Variants in EXOC4 observed in about 807,000 individuals in gnomAD.
The protein encoded by EXOC4 is SEC8-like 1.
In EXOC4, 71 loss-of-function variants were observed where a neutral mutation model predicts 107.2. That is an observed-to-expected ratio of 0.66 (90% CI 0.55 to 0.81). The LOEUF (loss-of-function observed/expected upper bound fraction) is 0.81. Ranked by LOEUF, EXOC4 falls within the 30% of genes least tolerant of loss-of-function variation. EXOC4 has a pLI of 0.00. For missense variants in EXOC4, 1,108 were observed against 1,189.6 expected (o/e 0.93, Z 1.01); for synonymous variants, 456 against 441.2 (o/e 1.03, Z -0.42).
At chr7:133,824,967 A>G (rs1328415854) in intron 11 of EXOC4, among the ~76,000 whole-genome samples, 7 of 152,004 alleles carry the variant, frequency 4.6e-5, no homozygotes, top group Non-Finnish European at 1.0e-4. Context: ...GGGAGACACT[A>G]TTCAGTCCAC....
At chr7:133,263,643 A>T (rs1793637439) in intron 1 of EXOC4, among the ~76,000 whole-genome samples, 1 of 151,990 alleles carries the variant, frequency 6.6e-6, no homozygotes, top group Non-Finnish European at 1.5e-5. Context: ...TGGCCTCCCA[A>T]AGTGCTGGGA....
intron 10 of EXOC4, among the ~76,000 whole-genome samples, chr7:133,765,819 A>C (rs1297683527): frequency 6.6e-6 from 1 of 151,944 alleles, no homozygotes; most frequent in Non-Finnish European, 1.5e-5. Context: ...CTCTTTGGTA[A>C]TTTATTTCCC....
the EXOC4 span, among the ~76,000 whole-genome samples, chr7:134,083,572 T>C: frequency 6.6e-6 from 1 of 152,184 alleles, no homozygotes; most frequent in African/African-American, 2.4e-5. Flanking sequence ...CCAAGATGGC[T>C]TCAGTCACAA....
intron 11 of EXOC4, among the ~76,000 whole-genome samples, chr7:133,824,001 C>G (rs1447092389): frequency 7.1e-6 from 1 of 140,900 alleles, no homozygotes; most frequent in Non-Finnish European, 1.5e-5. Context: ...GTGTTGGATA[C>G]TTTGAACCAA....
intron 14 of EXOC4, among the ~76,000 whole-genome samples, chr7:133,943,835 A>G (rs1231563067): frequency 4.6e-5 from 7 of 152,150 alleles, no homozygotes; most frequent in Non-Finnish European, 1.0e-4. Context: ...CGCCTGTTTC[A>G]GGCTTGGCTA....
rs117299206 is a variant in EXOC4 at position 133,986,012 on chromosome 7, G to A, written c.2207-11480G>A. 5.6e-3 allele frequency among the ~76,000 whole-genome samples: 856 copies of A among 152,304 alleles called. 5 individuals are homozygous for A. Among genetic ancestry groups the A allele is most frequent in the Non-Finnish European group, 0.01 (686 of 68,030 alleles). On this transcript the variant is annotated intron_variant, in intron 14 of 17. Coordinates refer to ENST00000253861, the MANE Select transcript of EXOC4 (RefSeq NM_021807.4). ...GGCAGGGAATGATTGCTCCGTTATT[G>A]AGATGTAAAAGGATTCATTGGTTGG...
At chr7:134,008,121 C>T (rs1468445066) in intron 17 of EXOC4, among the ~76,000 whole-genome samples, 1 of 152,058 alleles carries the variant, frequency 6.6e-6, no homozygotes, top group Non-Finnish European at 1.5e-5. Flanking sequence ...ATGCTCATTG[C>T]ATAAAATATA....
At chr7:133,538,857 A>AGAG (rs1563101091) in intron 9 of EXOC4, among the ~76,000 whole-genome samples, 11 of 72,190 alleles carry the variant, frequency 1.5e-4, no homozygotes, top group East Asian at 4.3e-4. Context: ...GAAAGAAAGA[A>AGAG]AGAGAGAGAG....
chr7:133,830,919 A>G (rs1797796079), intron 11 of EXOC4, among the ~76,000 whole-genome samples: 1 of 152,020 alleles, frequency 6.6e-6, no homozygotes, highest in South Asian at 2.1e-4. Context: ...CTTAAATGTG[A>G]TAGTTTTCTC....
chr7:134,047,971 G>A (rs1182996551), intron 17 of EXOC4, among the ~76,000 whole-genome samples: 3 of 152,162 alleles, frequency 2.0e-5, no homozygotes, highest in Admixed American at 6.5e-5. Flanking sequence ...AGAAATTCAG[G>A]GATCAGGGTT....
intron 3 of EXOC4, among the ~76,000 whole-genome samples, chr7:133,289,972 C>T (rs1425841483): frequency 6.6e-6 from 1 of 152,114 alleles, no homozygotes; most frequent in Non-Finnish European, 1.5e-5. Context: ...TTGGCTTTAA[C>T]ACTGGAAAAA....
At chr7:133,967,728 G>A (rs1801104142) in intron 14 of EXOC4, among the ~76,000 whole-genome samples, 1 of 152,148 alleles carries the variant, frequency 6.6e-6, no homozygotes, top group African/African-American at 2.4e-5. Context: ...TGCATTTGCT[G>A]AGGCATGTTT....
At chr7:133,943,174 G>A (rs1385047651) in intron 14 of EXOC4, among the ~76,000 whole-genome samples, 1 of 152,134 alleles carries the variant, frequency 6.6e-6, no homozygotes, top group Non-Finnish European at 1.5e-5. Flanking sequence ...CAGTGCTGTA[G>A]ATCATCACTG....
chr7:133,760,228 T>G (rs1414080717), intron 10 of EXOC4, among the ~76,000 whole-genome samples: 1 of 152,190 alleles, frequency 6.6e-6, no homozygotes, highest in Non-Finnish European at 1.5e-5. Context: ...CCCTGTCCAT[T>G]TTTTGTTCTT....
intron 9 of EXOC4, among the ~76,000 whole-genome samples, chr7:133,494,337 G>GA (rs35827766): frequency 3.3e-5 from 5 of 149,968 alleles, no homozygotes; most frequent in African/African-American, 4.9e-5. Context: ...AACAAAGTTT[G>GA]AAAAAAAAAG....
chr7:133,386,141 A>G (rs1796721311), intron 7 of EXOC4, among the ~76,000 whole-genome samples: 1 of 152,212 alleles, frequency 6.6e-6, no homozygotes, highest in East Asian at 1.9e-4. Context: ...CTCTTTTAAA[A>G]TACCAAATAT....
chr7:133,673,074 TCC>T (rs1793982456), intron 10 of EXOC4, among the ~76,000 whole-genome samples: 1 of 152,120 alleles, frequency 6.6e-6, no homozygotes, highest in Non-Finnish European at 1.5e-5. Flanking sequence ...CCATCACCCC[TCC>T]CCAGTTCTTC....
chr7:133,757,727 C>T (rs1188885110), intron 10 of EXOC4, among the ~76,000 whole-genome samples: 1 of 152,318 alleles, frequency 6.6e-6, no homozygotes, highest in East Asian at 1.9e-4. Flanking sequence ...CCATTGGCTC[C>T]TCGTCAGCCC....
intron 6 of EXOC4, among the ~76,000 whole-genome samples, chr7:133,370,792 T>G (rs1433036633): frequency 6.6e-6 from 1 of 152,222 alleles, no homozygotes; most frequent in Non-Finnish European, 1.5e-5. Flanking sequence ...CGAAGGAAAC[T>G]TGAACCTTTC....
Sources: gnomAD v4.1 joint callset for allele counts (sites outside exome capture counted in the v4.1 genomes callset) on GRCh38, gnomAD v4.1.1 for gene constraint, MANE v1.5 for transcripts, NCBI Gene and HGNC (gene_info 2026-07-23, HGNC 2026-07-21) for gene names.